CCNB1IP1: variants seen among roughly 807,000 people sequenced by gnomAD.
The protein encoded by CCNB1IP1 is E3 ubiquitin-protein ligase CCNB1IP1.
In CCNB1IP1, 14 loss-of-function variants were observed where a neutral mutation model predicts 25.6. The ratio of observed to expected loss-of-function variants is 0.55; its 90% CI spans 0.36 to 0.85. The LOEUF is 0.85. Ranked by LOEUF, CCNB1IP1 falls within the 40% of genes least tolerant of loss-of-function variation. CCNB1IP1 has a pLI of 0.01. For synonymous variants in CCNB1IP1, 119 were observed against 116.1 expected, an observed-to-expected ratio of 1.02 and a Z score of -0.16; for missense variants, 278 against 342.4, an observed-to-expected ratio of 0.81 and a Z score of 1.48.
chr14:20,324,123 G>A (rs889017465), intron 4 of CCNB1IP1, among the ~76,000 whole-genome samples: 1 of 152,178 alleles, frequency 6.6e-6, no homozygotes, highest in Non-Finnish European at 1.5e-5. Flanking sequence ...GTTTTGAGGG[G>A]CGGGGTGAAG....
Position 20,311,541 on chromosome 14 carries a change from A to G in CCNB1IP1, c.*9T>C. On this transcript the variant is annotated 3_prime_UTR_variant, in exon 7 of 7. Coordinates refer to ENST00000358932, the MANE Select transcript of CCNB1IP1 (RefSeq NM_021178.5). Reference sequence around the variant, plus strand: ...GCTGGGATCACAGGTGCGTGACACTATGCGTGGCTCAAATTCTTTTTACTT... The same window carrying G: ...GCTGGGATCACAGGTGCGTGACACTGTGCGTGGCTCAAATTCTTTTTACTT... 6.2e-7 allele frequency: 1 copy of G among 1,610,964 alleles called. No individual in the cohort carries two copies. The highest frequency in any genetic ancestry group is 8.5e-7 in the Non-Finnish European group (1 of 1,178,622).
At chr14:20,331,685 C>A (rs926832439) in intron 1 of CCNB1IP1, among the ~76,000 whole-genome samples, 3 of 151,646 alleles carry the variant, frequency 2.0e-5, no homozygotes, top group African/African-American at 4.8e-5. Context: ...TACCATTATA[C>A]CCTGAAAACC....
chr14:20,330,850 G>C (rs1035256022), intron 1 of CCNB1IP1: 1 of 152,142 alleles, frequency 6.6e-6, no homozygotes, highest in African/African-American at 2.4e-5. Context: ...AAAGTGTTGG[G>C]GTTACAGGCG....
intron 4 of CCNB1IP1, chr14:20,320,476 A>T: frequency 3.0e-6 from 1 of 328,208 alleles, no homozygotes. Flanking sequence ...ATGATATTTC[A>T]TCATATTTAT....
At chr14:20,332,035 T>A (rs1482564799) in intron 1 of CCNB1IP1, among the ~76,000 whole-genome samples, 48 of 72,378 alleles carry the variant, frequency 6.6e-4, no homozygotes, top group Middle Eastern at 5.6e-3. Context: ...TATTTTTTTT[T>A]TTTTTTTTTT....
intron 6 of CCNB1IP1, 74 bp from the exon 7 acceptor site, chr14:20,311,826 A>T: frequency 1.2e-6 from 1 of 858,348 alleles, no homozygotes; most frequent in South Asian, 1.7e-5. Context: ...AGGAATCATC[A>T]AATATATATA....
chr14:20,320,718 T>C (rs573005840), intron 4 of CCNB1IP1, among the ~76,000 whole-genome samples: 4 of 145,372 alleles, frequency 2.8e-5, no homozygotes, highest in African/African-American at 1.0e-4. Context: ...GGCAGGAGAA[T>C]AGCCTGAACC....
rs1157690512 is a variant in CCNB1IP1, at chr14:20,320,242, C to T, written c.-37-3682G>A. 3 of 445,998 alleles carry T rather than the reference C, an allele frequency of 6.7e-6. No homozygotes were observed. The East Asian group carries it at 2.1e-4, about 31-fold the overall frequency. The allele number at this position is 445,998 out of a possible 1,614,324, so 27.6% of individuals were successfully genotyped here. ...TCTAAAGTTTTGCTTTTCATATATA[C>T]AACTTTAATTCATTCTTCCCAACAT... On this transcript the variant is annotated intron_variant, in intron 4 of 6. Coordinates refer to ENST00000358932, the MANE Select transcript of CCNB1IP1 (RefSeq NM_021178.5).
At chr14:20,316,638 C>A (rs1402311786) in intron 4 of CCNB1IP1, 78 bp from the exon 5 acceptor site, 1 of 715,994 alleles carries the variant, frequency 1.4e-6, no homozygotes, top group Non-Finnish European at 2.3e-6. Flanking sequence ...ATAACATGCA[C>A]GTTTTTATCA....
intron 4 of CCNB1IP1, among the ~76,000 whole-genome samples, chr14:20,322,811 C>A (rs1229002006): frequency 2.0e-5 from 3 of 151,978 alleles, no homozygotes; most frequent in African/African-American, 7.2e-5. Flanking sequence ...TTAGTAGAGA[C>A]AGGGTTTCAC....
chr14:20,318,493 T>A (rs937778805), intron 4 of CCNB1IP1: 1 of 151,594 alleles, frequency 6.6e-6, no homozygotes, highest in Non-Finnish European at 1.5e-5. Context: ...AAAAAAATTA[T>A]TTAATTAATT....
intron 1 of CCNB1IP1, among the ~76,000 whole-genome samples, chr14:20,332,087 T>G (rs1250501863): frequency 7.6e-6 from 1 of 131,622 alleles, no homozygotes; most frequent in Non-Finnish European, 1.5e-5. Flanking sequence ...CAGGCTGGAG[T>G]GCAATGGCGC....
chr14:20,326,603 G>A (rs1455059781), intron 3 of CCNB1IP1, 113 bp downstream of exon 3: 9 of 469,108 alleles, frequency 1.9e-5, no homozygotes, highest in Non-Finnish European at 4.0e-5. Flanking sequence ...GTTAGAACTG[G>A]GGATTTTTTT....
intron 3 of CCNB1IP1, chr14:20,326,390 T>A (rs1883076351): frequency 2.0e-6 from 1 of 495,030 alleles, no homozygotes; most frequent in Admixed American, 2.2e-5. Context: ...GATTACAGAC[T>A]AAATCCCAGT....
At chr14:20,316,771 G>A (rs534185773) in intron 4 of CCNB1IP1, among the ~76,000 whole-genome samples, 16 of 152,240 alleles carry the variant, frequency 1.1e-4, no homozygotes, top group Non-Finnish European at 1.8e-4. Context: ...TAAGGACAAA[G>A]GTAAAGACAA....
intron 6 of CCNB1IP1, 82 bp downstream of exon 6, chr14:20,313,386 G>A (rs764950004): frequency 2.5e-5 from 28 of 1,119,596 alleles, no homozygotes; most frequent in South Asian, 3.3e-5. Flanking sequence ...TTATCGTCTC[G>A]ACTGAATGCT....
At chr14:20,326,441 C>T (rs755672518) in intron 3 of CCNB1IP1, 2 of 531,258 alleles carry the variant, frequency 3.8e-6, no homozygotes, top group Admixed American at 3.9e-5. Context: ...GGTGTTTGCC[C>T]CTAGCTTTAG....
chr14:20,326,427 T>C (rs763260664), intron 3 of CCNB1IP1: 1 of 525,886 alleles, frequency 1.9e-6, no homozygotes, highest in South Asian at 1.4e-5. Flanking sequence ...AGAATTCAAT[T>C]GCAGGTGTTT....
In CCNB1IP1 at chr14:20,320,606, C is replaced by G. The variant is rs1191643891; in HGVS notation, c.-37-4046G>C. Among the ~76,000 whole-genome samples the G allele has an allele frequency of 2.6e-5, 4 of 151,964 alleles. No homozygotes were observed. In the East Asian group the frequency reaches 7.7e-4, roughly 29 times the overall value. On this transcript the variant is annotated intron_variant, in intron 4 of 6. Coordinates refer to ENST00000358932, the MANE Select transcript of CCNB1IP1 (RefSeq NM_021178.5). ...ATCACCTGAGGTCAGGAGTTTGAGT[C>G]CAGCCTGGCCAACATGATCAAACCC... is the stretch of plus-strand genomic sequence containing the variant.
Sources: gnomAD v4.1 joint callset for allele counts (sites outside exome capture counted in the v4.1 genomes callset) on GRCh38, gnomAD v4.1.1 for gene constraint, MANE v1.5 for transcripts, NCBI Gene and HGNC (gene_info 2026-07-23, HGNC 2026-07-21) for gene names.